Variants in SCUBE1 observed in about 807,000 individuals in gnomAD.
SCUBE1 encodes the protein signal peptide, CUB and EGF-like domain-containing protein 1.
SCUBE1 carries 59 observed loss-of-function variants against 124.4 expected under a neutral mutation model. That is an observed-to-expected ratio of 0.47 (90% CI 0.38 to 0.59). SCUBE1 has a LOEUF of 0.59. Ranked by LOEUF, SCUBE1 falls within the 20% of genes least tolerant of loss-of-function variation. The pLI, the probability that SCUBE1 is intolerant of heterozygous loss-of-function variation, is 0.00. For synonymous variants in SCUBE1, 545 were observed against 550.9 expected (o/e 0.99, Z 0.15); for missense variants, 1,150 against 1,371.2 (o/e 0.84, Z 2.55).
chr22:43,249,486 T>C (rs1234517443), intron 6 of SCUBE1, among the ~76,000 whole-genome samples: 2 of 152,148 alleles, frequency 1.3e-5, no homozygotes, highest in Admixed American at 6.5e-5. Flanking sequence ...TCAGCCACCA[T>C]TTCCACAGTG....
At chr22:43,306,343 G>A (rs1340687113) in intron 3 of SCUBE1, among the ~76,000 whole-genome samples, 2 of 152,140 alleles carry the variant, frequency 1.3e-5, no homozygotes, top group Non-Finnish European at 2.9e-5. Context: ...CAAGCTCTTG[G>A]CACAGGGACT....
chr22:43,231,929 G>T, intron 7 of SCUBE1, 54 bp from the exon 8 acceptor site: 1 of 1,596,318 alleles, frequency 6.3e-7, no homozygotes, highest in South Asian at 1.1e-5. Context: ...CAGCTTGTGT[G>T]ACCAGCGGGG....
chr22:43,268,855 G>A (rs996442458), intron 4 of SCUBE1, among the ~76,000 whole-genome samples: 3 of 152,200 alleles, frequency 2.0e-5, no homozygotes, highest in African/African-American at 7.2e-5. Context: ...TGGAGGCTGT[G>A]TGGAATATGC....
chr22:43,227,446 T>C lies in SCUBE1; in HGVS notation c.1135A>G (p.Asn379Asp). 6.2e-7 allele frequency: 1 copy of C among 1,613,270 alleles called. No homozygotes were observed. Among genetic ancestry groups the C allele is most frequent in the Non-Finnish European group, 8.5e-7 (1 of 1,179,938 alleles). The change falls in exon 10 of 22, where the codon AAC becomes GAC. Residue 379 changes from asparagine to aspartate, a missense_variant. Transcript: ENST00000360835. The part of the protein sequence containing the change: ...SNGSCDQGCV[N>D]TKGSYECVCP... The stretch of plus-strand genomic sequence containing the variant: ...ACGCACTCGTAGCTGCCCTTGGTGT[T>C]GACGCAGCCCTGGTCACAGCTCCCG...
At chr22:43,240,388 C>T (rs1353332452) in intron 6 of SCUBE1, among the ~76,000 whole-genome samples, 1 of 152,214 alleles carries the variant, frequency 6.6e-6, no homozygotes, top group Non-Finnish European at 1.5e-5. Context: ...CCCTCCTGTT[C>T]ATCCTTCAAG....
chr22:43,244,607 C>T (rs974098920), intron 6 of SCUBE1, among the ~76,000 whole-genome samples: 1 of 152,212 alleles, frequency 6.6e-6, no homozygotes, highest in African/African-American at 2.4e-5. Context: ...CTGTGCAGGG[C>T]ACAAGGGCGC....
In SCUBE1 at chr22:43,208,210, T is replaced by C. The variant is rs774139562; in HGVS notation, c.2596A>G (p.Ile866Val). 2 of 1,614,058 alleles carry C rather than the reference T, an allele frequency of 1.2e-6. No individual in the cohort carries two copies. The highest frequency in any genetic ancestry group is 1.1e-5 in the South Asian group (1 of 91,080). Residue 866 changes from isoleucine (I) to valine (V), a missense_variant, in exon 20 of 22, where the codon ATC becomes GTC. Transcript: ENST00000360835. The stretch of plus-strand genomic sequence containing the variant: ...GTCTGGCAGGTCTCATAGGTGGTGA[T>C]GGACGTGGGAGAGGCTGCGGGTGAA... Reference protein sequence around the residue: ...VMRKSASPTSITTYETCQTYE... With the variant: ...VMRKSASPTSVTTYETCQTYE...
At position 43,212,510 on chromosome 22, in the gene SCUBE1, G is replaced by A. The variant is rs900022317; in HGVS notation, c.2136C>T (p.Pro712=). 9 of 1,558,066 alleles carry A rather than the reference G, an allele frequency of 5.8e-6. No individual in the cohort carries two copies. Among genetic ancestry groups the A allele is most frequent in the Middle Eastern group, 1.7e-4 (1 of 5,800 alleles). ...ACPVGTYQPE[P]GRTGCFPCGG... is the part of the protein sequence containing the mutation. Reference sequence around the variant, plus strand: ...CACAGGGGAAGCAGCCGGTGCGCCCGGGCTCAGGCTGGTACGTGCCCACGG... The same window carrying A: ...CACAGGGGAAGCAGCCGGTGCGCCCAGGCTCAGGCTGGTACGTGCCCACGG... The change falls in exon 17 of 22, where the codon CCC becomes CCT. Residue 712 remains proline (P), a synonymous_variant. Coordinates refer to ENST00000360835, the MANE Select transcript of SCUBE1 (RefSeq NM_173050.5).
chr22:43,206,386 C>T (rs1481729753), intron 21 of SCUBE1, among the ~76,000 whole-genome samples: 1 of 151,492 alleles, frequency 6.6e-6, no homozygotes, highest in Non-Finnish European at 1.5e-5. Context: ...CAGCACACTC[C>T]CCCACCCCCC....
At chr22:43,299,228 C>T (rs1030349130) in intron 3 of SCUBE1, among the ~76,000 whole-genome samples, 1 of 152,126 alleles carries the variant, frequency 6.6e-6, no homozygotes, top group Non-Finnish European at 1.5e-5. Context: ...CTCTGCACAG[C>T]GCCTGGCACA....
At chr22:43,257,756 C>T (rs890599518) in intron 6 of SCUBE1, among the ~76,000 whole-genome samples, 10 of 152,362 alleles carry the variant, frequency 6.6e-5, no homozygotes, top group East Asian at 1.9e-4. Context: ...GTTTTCCAGA[C>T]GGCTGTGGGC....
At chr22:43,282,788 C>T (rs5759253) in intron 4 of SCUBE1, 64,666 of 151,630 alleles carry the variant, frequency 0.43, 15,289 homozygotes, top group East Asian at 0.97. Context: ...CTCCGCCTCC[C>T]GGGTTCAAGT....
chr22:43,215,767 C>G (rs990816021), intron 15 of SCUBE1, among the ~76,000 whole-genome samples: 3 of 152,126 alleles, frequency 2.0e-5, no homozygotes, highest in Admixed American at 6.5e-5. Flanking sequence ...CCTGAAGACA[C>G]AGTGGAGGGT....
At chr22:43,285,477 C>T (rs1395805925) in intron 4 of SCUBE1, among the ~76,000 whole-genome samples, 12 of 152,298 alleles carry the variant, frequency 7.9e-5, no homozygotes, top group Admixed American at 3.9e-4. Context: ...TGCAGGGACA[C>T]GAGCACCATG....
chr22:43,255,434 G>GCACA lies in SCUBE1; in HGVS notation c.727+2781_727+2784dup. 1 of 1,399,948 alleles carries GCACA rather than the reference G, an allele frequency of 7.1e-7. No homozygotes were observed. Among genetic ancestry groups the GCACA allele is most frequent in the Non-Finnish European group, 9.8e-7 (1 of 1,019,322 alleles). The allele number at this position is 1,399,948 out of a possible 1,614,324, so 86.7% of individuals were successfully genotyped here. A position where few individuals can be genotyped will look rare whatever the true frequency, so the allele number is the denominator to read the frequency against. On this transcript the variant is annotated intron_variant, in intron 6 of 21. Transcript: ENST00000360835. This position sits in a 1 kb window ranked among gnomAD's most constrained non-coding sequence, Gnocchi z 4.7. ...CAGTGCGCACCCGAGACACACATGT[G>GCACA]CACACACACACACAAGTGCAAGTAC...
chr22:43,338,150 C>T (rs73424100), intron 2 of SCUBE1, among the ~76,000 whole-genome samples: 4,790 of 152,264 alleles, frequency 0.031, 211 homozygotes, highest in African/African-American at 0.094. Flanking sequence ...GGGGTGAGGA[C>T]GGCCATGCAG....
chr22:43,330,658 G>T (rs991203935), intron 2 of SCUBE1, among the ~76,000 whole-genome samples: 3 of 152,140 alleles, frequency 2.0e-5, no homozygotes, highest in African/African-American at 7.2e-5. Context: ...TGAGGCTCAG[G>T]GGTGAACTTG....
At chr22:43,242,731 C>T (rs1330279730) in intron 6 of SCUBE1, among the ~76,000 whole-genome samples, 1 of 152,198 alleles carries the variant, frequency 6.6e-6, no homozygotes, top group Non-Finnish European at 1.5e-5. Flanking sequence ...ACCCTGGGGG[C>T]CCTCCAGTCT....
chr22:43,208,051 C>T (rs749502371), intron 20 of SCUBE1, 21 bp downstream of exon 20: 18 of 1,613,600 alleles, frequency 1.1e-5, no homozygotes, highest in African/African-American at 6.7e-5. Context: ...CACAGTGGGC[C>T]GTGAAGACAG....
Sources: gnomAD v4.1 joint callset for allele counts (sites outside exome capture counted in the v4.1 genomes callset) on GRCh38, gnomAD v4.1.1 for gene constraint, Gnocchi (gnomAD v3.1) non-coding constraint, MANE v1.5 for transcripts, NCBI Gene and HGNC (gene_info 2026-07-23, HGNC 2026-07-21) for gene names.